PTPRN2: variants seen among roughly 807,000 people sequenced by gnomAD.
PTPRN2 encodes receptor-type tyrosine-protein phosphatase N2.
In PTPRN2, 74 loss-of-function variants were observed where a neutral mutation model predicts 118.8. The ratio of observed to expected loss-of-function variants is 0.62; its 90% CI spans 0.52 to 0.76. The LOEUF (loss-of-function observed/expected upper bound fraction) is 0.76. Among genes scored for constraint, PTPRN2 ranks in the 30% least tolerant of loss-of-function variants. The pLI is 0.00. For synonymous variants in PTPRN2, 641 were observed against 608.0 expected (o/e 1.05, Z -0.80); for missense variants, 1,481 against 1,394.4 (o/e 1.06, Z -0.99).
chr7:158,272,441 C>T (rs1438916410), intron 3 of PTPRN2, among the ~76,000 whole-genome samples: 4 of 152,192 alleles, frequency 2.6e-5, no homozygotes, highest in Non-Finnish European at 5.9e-5. Flanking sequence ...TAGGGATATA[C>T]CTTCAATTAG....
intron 2 of PTPRN2, among the ~76,000 whole-genome samples, chr7:158,331,784 GCA>G (rs1804508543): frequency 7.4e-6 from 1 of 135,294 alleles, no homozygotes; most frequent in African/African-American, 3.0e-5. Flanking sequence ...GAGCTGTCAC[GCA>G]CAGACATCAC....
intron 12 of PTPRN2, among the ~76,000 whole-genome samples, chr7:157,686,566 A>G (rs1268208262): frequency 6.6e-6 from 1 of 152,200 alleles, no homozygotes; most frequent in African/African-American, 2.4e-5. Flanking sequence ...CGACCCCCCA[A>G]GGCTGCACCA....
intron 11 of PTPRN2, among the ~76,000 whole-genome samples, chr7:157,972,009 T>C (rs1391056490): frequency 6.6e-6 from 1 of 152,234 alleles, no homozygotes; most frequent in Non-Finnish European, 1.5e-5. Context: ...TATCAAGGTA[T>C]GGAAAACACC....
chr7:157,878,702 C>T (rs531248919), intron 12 of PTPRN2, among the ~76,000 whole-genome samples: 2 of 142,720 alleles, frequency 1.4e-5, no homozygotes, highest in East Asian at 4.3e-4. Flanking sequence ...ACCATGCACC[C>T]ACACTTACTC....
Position 158,074,693 on chromosome 7 carries a change from C to T in PTPRN2, c.1723+6605G>A, listed in dbSNP as rs539794437. 4.6e-5 allele frequency among the ~76,000 whole-genome samples: 7 copies of T among 152,114 alleles called. No homozygotes were observed. The South Asian group carries it at 1.0e-3, about 23-fold the overall frequency. The stretch of plus-strand genomic sequence containing the variant: ...GATCAGGGTATGAATTCTAAATGAA[C>T]GTGAAAGTGAGGATGAAATGGAACC... On this transcript the variant is annotated intron_variant, in intron 11 of 22. Transcript: ENST00000389418.
At chr7:158,042,264 A>G (rs1316362732) in intron 11 of PTPRN2, among the ~76,000 whole-genome samples, 1 of 152,224 alleles carries the variant, frequency 6.6e-6, no homozygotes, top group Non-Finnish European at 1.5e-5. Flanking sequence ...CGCAGAGACC[A>G]GGAGCTCATC....
intron 2 of PTPRN2, among the ~76,000 whole-genome samples, chr7:158,340,107 TCG>T (rs1806373571): frequency 1.4e-5 from 1 of 69,490 alleles, no homozygotes; most frequent in East Asian, 4.7e-4. Flanking sequence ...ACACCCACAC[TCG>T]CACCATAAGA....
intron 11 of PTPRN2, among the ~76,000 whole-genome samples, chr7:158,070,813 A>AAGGTGCCCGTGGTGGTGG (rs1178587473): frequency 7.3e-5 from 1 of 13,742 alleles, no homozygotes; most frequent in Non-Finnish European, 1.3e-4. Context: ...CGTGGTGGTG[A>AAGGTGCCCGTGGTGGTGG]AGGTGCCCGT....
rs143897503 is a variant in PTPRN2, at chr7:157,821,801, G to T, written c.1788+76872C>A. ...GAGGCCAGGGAAACCAATGGTTGTT[G>T]ATGTCACAGAGAATGATGACATAGG... is the stretch of plus-strand genomic sequence containing the variant. On this transcript the variant is annotated intron_variant, in intron 12 of 22. Coordinates refer to ENST00000389418, the MANE Select transcript of PTPRN2 (RefSeq NM_002847.5). 5.9e-4 allele frequency among the ~76,000 whole-genome samples: 90 copies of T among 152,232 alleles called. 1 individual carries two copies. Among genetic ancestry groups the T allele is most frequent in the African/African-American group, 2.0e-3 (85 of 41,498 alleles).
intron 11 of PTPRN2, among the ~76,000 whole-genome samples, chr7:157,908,978 C>A (rs1797928707): frequency 1.3e-5 from 2 of 152,144 alleles, no homozygotes; most frequent in Non-Finnish European, 2.9e-5. Flanking sequence ...AACACCCCAA[C>A]TTTATGAAGA....
chr7:158,456,826 C>T (rs559898197), intron 2 of PTPRN2, among the ~76,000 whole-genome samples: 5 of 152,206 alleles, frequency 3.3e-5, no homozygotes, highest in East Asian at 1.9e-4. Context: ...CCAGGCTGGA[C>T]GGCGGTGACA....
At chr7:157,549,154 T>G in intron 21 of PTPRN2, 135 bp from the exon 22 acceptor site, 2 of 821,280 alleles carry the variant, frequency 2.4e-6, no homozygotes, top group Non-Finnish European at 2.0e-6. Context: ...CTCAGCCGGC[T>G]GGCAGGCGGC....
chr7:158,324,031 G>A (rs1443379921), intron 2 of PTPRN2, among the ~76,000 whole-genome samples: 1 of 25,030 alleles, frequency 4.0e-5, no homozygotes, highest in Non-Finnish European at 1.1e-4. Context: ...ACACACACAG[G>A]AGCACGTACA....
At chr7:157,758,766 C>A (rs772864602) in intron 12 of PTPRN2, among the ~76,000 whole-genome samples, 1 of 150,914 alleles carries the variant, frequency 6.6e-6, no homozygotes, top group Admixed American at 6.6e-5. Flanking sequence ...CCCCACGCTA[C>A]CCCCCAACCC....
At chr7:158,306,711 A>AT (rs980403099) in intron 3 of PTPRN2, among the ~76,000 whole-genome samples, 11 of 152,242 alleles carry the variant, frequency 7.2e-5, no homozygotes, top group African/African-American at 2.7e-4. Flanking sequence ...ACACTATGTT[A>AT]TTTAAAATAT....
intron 2 of PTPRN2, among the ~76,000 whole-genome samples, chr7:158,347,197 G>T (rs908558723): frequency 1.3e-5 from 2 of 152,230 alleles, no homozygotes; most frequent in Middle Eastern, 3.4e-3. Flanking sequence ...ATGTCATTTT[G>T]CCCTGTGATT....
chr7:158,372,108 A>G (rs1468096945), intron 2 of PTPRN2, among the ~76,000 whole-genome samples: 2 of 152,162 alleles, frequency 1.3e-5, no homozygotes, highest in Non-Finnish European at 2.9e-5. Context: ...GCACAGAGGG[A>G]GGCTTGCCCC....
chr7:157,713,418 C>T (rs1360143107), intron 12 of PTPRN2, among the ~76,000 whole-genome samples: 4 of 152,046 alleles, frequency 2.6e-5, no homozygotes, highest in Admixed American at 6.5e-5. Flanking sequence ...GAATAGTGTA[C>T]GTAGGTAGAA....
chr7:157,617,984 A>G lies in PTPRN2; in HGVS notation c.2344+3378T>C, dbSNP rs1174871400. ...AATGCAGACAAGCGAAATGCTGCAT[A>G]ATTCTTTTTTAAACATTCAAAAAAC... On this transcript the variant is annotated intron_variant, in intron 15 of 22. Coordinates refer to ENST00000389418, the MANE Select transcript of PTPRN2 (RefSeq NM_002847.5). This position sits in a 1 kb window ranked among gnomAD's most constrained non-coding sequence, Gnocchi z 7.5. 1 of 152,250 alleles carries G rather than the reference A, an allele frequency of 6.6e-6. No homozygotes were observed. Among genetic ancestry groups the G allele is most frequent in the Non-Finnish European group, 1.5e-5 (1 of 68,042 alleles). 9.4% of individuals were successfully genotyped at this position (152,250 alleles called of 1,614,324 possible). A position where few individuals can be genotyped will look rare whatever the true frequency, so the allele number is the denominator to read the frequency against.
Sources: allele counts gnomAD v4.1 joint callset (sites outside exome capture counted in the v4.1 genomes callset), GRCh38; gene constraint gnomAD v4.1.1; non-coding constraint Gnocchi (gnomAD v3.1); transcripts MANE v1.5; gene names NCBI Gene and HGNC (gene_info 2026-07-23, HGNC 2026-07-21).